SEC31A: variants seen among roughly 807,000 people sequenced by gnomAD.
The protein encoded by SEC31A is protein transport protein Sec31A.
SEC31A carries 70 observed loss-of-function variants against 151.0 expected under a neutral mutation model. That is an observed-to-expected ratio of 0.46 (90% confidence interval 0.38 to 0.57). The LOEUF (loss-of-function observed/expected upper bound fraction) is 0.57. Among genes scored for constraint, SEC31A ranks in the 20% least tolerant of loss-of-function variants. The pLI is 0.00. For missense variants in SEC31A, 1,330 were observed against 1,471.2 expected (o/e 0.90, Z 1.57); for synonymous variants, 475 against 505.9 (o/e 0.94, Z 0.82).
intron 26 of SEC31A, 88 bp downstream of exon 26, chr4:82,820,949 A>T (rs983130011): frequency 1.8e-6 from 2 of 1,087,620 alleles, no homozygotes; most frequent in African/African-American, 1.6e-5. Flanking sequence ...GCCCCCATGC[A>T]TACTAAATGG....
intron 25 of SEC31A, among the ~76,000 whole-genome samples, chr4:82,822,028 T>C (rs1464147173): frequency 2.0e-5 from 3 of 152,178 alleles, no homozygotes; most frequent in Non-Finnish European, 4.4e-5. Context: ...AAGCTTTTTT[T>C]TCTCTCTACC....
At chr4:82,900,453 C>G (rs183073549) in exon 1 of SEC31A, 4 of 280,936 alleles carry the variant, frequency 1.4e-5, no homozygotes, top group Non-Finnish European at 2.7e-5. Context: ...CTTGGCCTCA[C>G]AAGAAGGACG....
chr4:82,871,849 T>C (rs947147577), intron 7 of SEC31A, 95 bp downstream of exon 7: 25 of 1,495,946 alleles, frequency 1.7e-5, no homozygotes, highest in Non-Finnish European at 2.2e-5. Context: ...AAAAAAAAAG[T>C]TCCTGTGTCC....
chr4:82,876,340 C>T (rs1390712119), intron 4 of SEC31A, among the ~76,000 whole-genome samples: 1 of 152,260 alleles, frequency 6.6e-6, no homozygotes, highest in African/African-American at 2.4e-5. Flanking sequence ...AAACTCCTGA[C>T]CTCAGGTGAT....
chr4:82,861,911 T>TTTC, intron 13 of SEC31A: 1 of 332,922 alleles, frequency 3.0e-6, no homozygotes, highest in Non-Finnish European at 5.2e-6. Flanking sequence ...CATTCTTTTT[T>TTTC]TTTTTTTTTT....
intron 19 of SEC31A, among the ~76,000 whole-genome samples, chr4:82,850,188 C>T (rs866535301): frequency 4.6e-5 from 7 of 151,272 alleles, no homozygotes; most frequent in Non-Finnish European, 2.9e-5. Context: ...ATGAATTAAG[C>T]TAGATGAGCT....
chr4:82,846,519 C>T (rs531488188), intron 20 of SEC31A, among the ~76,000 whole-genome samples: 2 of 151,782 alleles, frequency 1.3e-5, no homozygotes, highest in African/African-American at 4.8e-5. Context: ...CCTTCCACCT[C>T]CTCCACCTTT....
intron 6 of SEC31A, among the ~76,000 whole-genome samples, chr4:82,874,327 G>A (rs1040144982): frequency 6.6e-6 from 1 of 151,638 alleles, no homozygotes; most frequent in African/African-American, 2.4e-5. Context: ...TTGCTGCAAT[G>A]TTTTAAAACA....
intron 26 of SEC31A, among the ~76,000 whole-genome samples, chr4:82,820,520 G>A (rs1723097392): frequency 6.6e-6 from 1 of 152,154 alleles, no homozygotes. Context: ...GGGGACAAGA[G>A]AACAAACGTA....
chr4:82,897,378 C>T (rs1720108932), intron 3 of SEC31A, among the ~76,000 whole-genome samples: 1 of 152,068 alleles, frequency 6.6e-6, no homozygotes, highest in South Asian at 2.1e-4. Flanking sequence ...AGAACTCAAA[C>T]AATGAAAAAT....
chr4:82,854,918 A>G lies in SEC31A; in HGVS notation c.1993T>C (p.Phe665Leu), dbSNP rs925246194. The change falls in exon 17 of 27, where the codon TTT becomes CTT. Residue 665 changes from phenylalanine to leucine, a missense_variant. By Grantham distance (22) the Phe-to-Leu change is conservative (BLOSUM62 0). Coordinates refer to ENST00000395310, the MANE Select transcript of SEC31A (RefSeq NM_001077207.4). ...CATCTCTTACCACAAAGGGCTGAAA[A>G]TTCATCCGGCTTTGCATAAGTCAAT... ...AVLTYAKPDE[F>L]SALCDLLGTR... 6.2e-7 allele frequency: 1 copy of G among 1,612,624 alleles called. No homozygotes were observed. Among genetic ancestry groups the G allele is most frequent in the Non-Finnish European group, 8.5e-7 (1 of 1,179,530 alleles).
intron 19 of SEC31A, among the ~76,000 whole-genome samples, chr4:82,850,144 T>C (rs1444603455): frequency 6.6e-6 from 1 of 151,300 alleles, no homozygotes; most frequent in Non-Finnish European, 1.5e-5. Flanking sequence ...GAATAATGTA[T>C]AGAAAATGGA....
chr4:82,855,682 C>CACAGGA, intron 16 of SEC31A, among the ~76,000 whole-genome samples: 1 of 152,240 alleles, frequency 6.6e-6, no homozygotes. Flanking sequence ...AGCAAAATAA[C>CACAGGA]ACAGGAACAG....
intron 20 of SEC31A, chr4:82,845,198 T>C (rs1361457096): frequency 6.6e-7 from 1 of 1,507,716 alleles, no homozygotes; most frequent in South Asian, 1.2e-5. Context: ...ATGAAGGATA[T>C]ACCTGTGTGT....
intron 21 of SEC31A, among the ~76,000 whole-genome samples, chr4:82,843,250 C>T (rs13129402): frequency 0.65 from 99,248 of 151,706 alleles, 35,097 homozygotes; most frequent in Non-Finnish European, 0.79. Context: ...CCTGCCTCAG[C>T]CTCCTGAGTA....
intron 10 of SEC31A, 80 bp downstream of exon 10, chr4:82,866,728 C>A: frequency 8.2e-7 from 1 of 1,215,080 alleles, no homozygotes; most frequent in Non-Finnish European, 1.1e-6. Context: ...CTGATTGCTT[C>A]CATCAGAGTG....
chr4:82,869,268 C>T (rs953986538), intron 8 of SEC31A, among the ~76,000 whole-genome samples: 95 of 151,744 alleles, frequency 6.3e-4, no homozygotes, highest in Non-Finnish European at 8.0e-4. Context: ...TACAGGCGCC[C>T]GCCACCACGT....
chr4:82,866,734 G>A, intron 10 of SEC31A, 74 bp downstream of exon 10: 1 of 1,299,362 alleles, frequency 7.7e-7, no homozygotes, highest in East Asian at 2.5e-5. Context: ...GCTTCCATCA[G>A]AGTGACTCTA....
chr4:82,858,704 ATTTAAT>A (rs1301497661), intron 14 of SEC31A, among the ~76,000 whole-genome samples: 1 of 150,554 alleles, frequency 6.6e-6, no homozygotes, highest in Admixed American at 6.6e-5. Context: ...TTATTTATTT[ATTTAAT>A]TTTATTTTTT....
Sources: gnomAD v4.1 joint callset for allele counts (sites outside exome capture counted in the v4.1 genomes callset) on GRCh38, gnomAD v4.1.1 for gene constraint, MANE v1.5 for transcripts, NCBI Gene and HGNC (gene_info 2026-07-23, HGNC 2026-07-21) for gene names.